LDLRAD4: variants seen among roughly 807,000 people sequenced by gnomAD.
The protein encoded by LDLRAD4 is low-density lipoprotein receptor class A domain-containing protein 4.
A neutral mutation model predicts 17.0 loss-of-function variants in LDLRAD4; 5 were observed. The observed-to-expected ratio is 0.29, with a 90% CI of 0.15 to 0.62. The LOEUF (loss-of-function observed/expected upper bound fraction) is 0.62. Among genes scored for constraint, LDLRAD4 ranks in the 20% least tolerant of loss-of-function variants. The pLI, the probability that LDLRAD4 is intolerant of heterozygous loss-of-function variation, is 0.84. For missense variants in LDLRAD4, 340 were observed against 424.7 expected (o/e 0.80, Z 1.75); for synonymous variants, 168 against 171.8 (o/e 0.98, Z 0.17).
chr18:13,403,070 G>A (rs1392819539), intron 2 of LDLRAD4, among the ~76,000 whole-genome samples: 1 of 152,186 alleles, frequency 6.6e-6, no homozygotes, highest in African/African-American at 2.4e-5. Context: ...AAAGGCTTAC[G>A]ATACATTTTT....
At chr18:13,393,186 T>G (rs1326395940) in intron 2 of LDLRAD4, among the ~76,000 whole-genome samples, 1 of 152,218 alleles carries the variant, frequency 6.6e-6, no homozygotes, top group African/African-American at 2.4e-5. Flanking sequence ...AGCCCCCGCC[T>G]TCCAGAGCTG....
intron 3 of LDLRAD4, among the ~76,000 whole-genome samples, chr18:13,603,329 G>T (rs1443159623): frequency 6.6e-6 from 1 of 152,172 alleles, no homozygotes; most frequent in African/African-American, 2.4e-5. Flanking sequence ...TCTCAGAGAA[G>T]TAAAATTCAT....
chr18:13,547,908 C>T (rs1004705758), intron 3 of LDLRAD4, among the ~76,000 whole-genome samples: 2 of 152,196 alleles, frequency 1.3e-5, no homozygotes, highest in African/African-American at 2.4e-5. Flanking sequence ...GTTTGTGTTA[C>T]AGCTCTTTCA....
intron 2 of LDLRAD4, 74 bp downstream of exon 3, chr18:13,387,836 C>A: frequency 7.5e-7 from 1 of 1,336,024 alleles, no homozygotes; most frequent in Non-Finnish European, 1.1e-6. Context: ...CCACTGCATG[C>A]AGTGAACCTA....
chr18:13,316,547 G>C (rs1156382003), intron 1 of LDLRAD4, among the ~76,000 whole-genome samples: 4 of 152,208 alleles, frequency 2.6e-5, no homozygotes, highest in African/African-American at 9.6e-5. Flanking sequence ...GCAAAGCCAC[G>C]GGTGGTTCTG....
At chr18:13,338,375 G>C (rs1360028995) in intron 1 of LDLRAD4, among the ~76,000 whole-genome samples, 1 of 151,516 alleles carries the variant, frequency 6.6e-6, no homozygotes, top group Non-Finnish European at 1.5e-5. Context: ...AGGTTCCCAA[G>C]TTGCTAGTGG....
chr18:13,387,521 G>A (rs1490645874), exon 2 of LDLRAD4: 1 of 524,320 alleles, frequency 1.9e-6, no homozygotes, highest in Non-Finnish European at 3.4e-6. Flanking sequence ...CGGGAGCAGG[G>A]ACCGCCGCCG....
intron 3 of LDLRAD4, among the ~76,000 whole-genome samples, chr18:13,604,103 T>G (rs2095195483): frequency 6.6e-6 from 1 of 152,258 alleles, no homozygotes; most frequent in African/African-American, 2.4e-5. Flanking sequence ...GACTTTGGAC[T>G]AGCTTGGATT....
At chr18:13,340,507 A>G (rs1281318784) in intron 1 of LDLRAD4, among the ~76,000 whole-genome samples, 1 of 152,006 alleles carries the variant, frequency 6.6e-6, no homozygotes, top group Non-Finnish European at 1.5e-5. Context: ...GCACCTTTTC[A>G]TGTGCTTATT....
intron 1 of LDLRAD4, among the ~76,000 whole-genome samples, chr18:13,318,017 A>G (rs751748896): frequency 6.6e-6 from 1 of 152,166 alleles, no homozygotes; most frequent in Non-Finnish European, 1.5e-5. Flanking sequence ...TGTCATCTGG[A>G]ATAGAATTTT....
rs1035870422 is a variant in LDLRAD4, at chr18:13,402,500, C to T, written c.40+14738C>T. On this transcript the variant is annotated intron_variant, in intron 2 of 5. Coordinates refer to ENST00000359446, the Ensembl canonical transcript of LDLRAD4. Reference sequence around the variant, plus strand: ...CTTCTTTTAATTAAAAAGAGACTTACGAAAAATTAAAGATCTCTTCGTTTT... The same window carrying T: ...CTTCTTTTAATTAAAAAGAGACTTATGAAAAATTAAAGATCTCTTCGTTTT... Among the ~76,000 whole-genome samples, 12 of 152,230 alleles carry T rather than the reference C, an allele frequency of 7.9e-5. 1 individual carries two copies. In the South Asian group the frequency reaches 1.0e-3, roughly 13 times the overall value.
chr18:13,497,484 G>T (rs758131429), intron 3 of LDLRAD4, among the ~76,000 whole-genome samples: 2 of 151,954 alleles, frequency 1.3e-5, no homozygotes, highest in Non-Finnish European at 2.9e-5. Context: ...TGGCAAAAGG[G>T]TGGCTCTTGT....
chr18:13,354,828 T>C (rs1380096808), intron 1 of LDLRAD4, among the ~76,000 whole-genome samples: 1 of 152,214 alleles, frequency 6.6e-6, no homozygotes, highest in East Asian at 1.9e-4. Flanking sequence ...TAGATGAAGA[T>C]AGATGTGCTG....
At chr18:13,493,746 A>G (rs1484608706) in intron 3 of LDLRAD4, among the ~76,000 whole-genome samples, 2 of 152,168 alleles carry the variant, frequency 1.3e-5, no homozygotes, top group African/African-American at 2.4e-5. Flanking sequence ...AGAGTTGGAC[A>G]TGGCCTCTTT....
At chr18:13,636,070 C>T (rs548962324) in intron 4 of LDLRAD4, among the ~76,000 whole-genome samples, 2 of 152,106 alleles carry the variant, frequency 1.3e-5, no homozygotes, top group Non-Finnish European at 2.9e-5. Flanking sequence ...CTTATAGACC[C>T]CAAAGAAAAA....
intron 3 of LDLRAD4, among the ~76,000 whole-genome samples, chr18:13,560,272 C>T (rs1031285881): frequency 2.6e-5 from 4 of 152,194 alleles, no homozygotes; most frequent in Admixed American, 6.5e-5. Context: ...TGCTGAAGGA[C>T]GAATGTGCAC....
chr18:13,508,766 C>A (rs1158149971), intron 3 of LDLRAD4, among the ~76,000 whole-genome samples: 1 of 152,166 alleles, frequency 6.6e-6, no homozygotes, highest in Non-Finnish European at 1.5e-5. Flanking sequence ...TGATAGAGAC[C>A]TACAGAGAGG....
chr18:13,596,391 C>T (rs560802431), intron 3 of LDLRAD4, among the ~76,000 whole-genome samples: 2 of 152,064 alleles, frequency 1.3e-5, no homozygotes, highest in Admixed American at 6.6e-5. Context: ...CATTTACCAC[C>T]TTACTTTTTG....
At chr18:13,336,420 A>G (rs1431098445) in intron 1 of LDLRAD4, among the ~76,000 whole-genome samples, 1 of 152,154 alleles carries the variant, frequency 6.6e-6, no homozygotes, top group Non-Finnish European at 1.5e-5. Flanking sequence ...TTTCTTGAAT[A>G]ATACCTTTAA....
Sources: allele counts gnomAD v4.1 joint callset (sites outside exome capture counted in the v4.1 genomes callset), GRCh38; gene constraint gnomAD v4.1.1; transcripts MANE v1.5; gene names NCBI Gene and HGNC (gene_info 2026-07-23, HGNC 2026-07-21).